Variants in YLPM1 observed in about 807,000 individuals in gnomAD.
YLPM1 encodes the protein YLP motif-containing protein 1.
A neutral mutation model predicts 230.0 loss-of-function variants in YLPM1; 99 were observed. The observed-to-expected ratio is 0.43, with a 90% CI of 0.37 to 0.51. The LOEUF (loss-of-function observed/expected upper bound fraction) is 0.51. YLPM1 is among the 20% of genes least tolerant of loss of function. The pLI is 0.00. For missense variants in YLPM1, 2,592 were observed against 2,707.7 expected (o/e 0.96, Z 0.95); for synonymous variants, 984 against 942.5 (o/e 1.04, Z -0.81).
At position 74,832,168 on chromosome 14, in the gene YLPM1, G is replaced by A. The variant is rs142108582; in HGVS notation, c.6294+2825G>A. 2.8e-3 allele frequency among the ~76,000 whole-genome samples: 427 copies of A among 152,252 alleles called. 11 individuals carry two copies. The highest frequency in any genetic ancestry group is 3.4e-3 in the Middle Eastern group (1 of 294). Reference sequence around the variant, plus strand: ...AGGAAAAAACAACAGCAAAAATGTCGTAAGTCTCAAAAGTACCTCTAGGAA... The same window carrying A: ...AGGAAAAAACAACAGCAAAAATGTCATAAGTCTCAAAAGTACCTCTAGGAA... On this transcript the variant is annotated intron_variant, in intron 19 of 20. Coordinates refer to ENST00000325680, the MANE Select transcript of YLPM1 (RefSeq NM_019589.3).
Position 74,835,105 on chromosome 14 carries a change from A to G in YLPM1, c.6295-160A>G, listed in dbSNP as rs750543946. On this transcript the variant is annotated intron_variant, in intron 19 of 20. Transcript: ENST00000325680. ...CCAGAGAGTTTTCTCTTTGTGACTT[A>G]AAATATATGGCTTTTCCCAGTTTTC... 717 of 897,844 alleles carry G rather than the reference A, an allele frequency of 8.0e-4. 3 individuals carry two copies. The highest frequency in any genetic ancestry group is 5.6e-4 in the Admixed American group (18 of 32,092). The allele number at this position is 897,844 out of a possible 1,614,324, so 55.6% of individuals were successfully genotyped here. A position where few individuals can be genotyped will look rare whatever the true frequency, so the allele number is the denominator to read the frequency against.
Position 74,763,373 on chromosome 14 carries a change from C to A in YLPM1, c.-117C>A, listed in dbSNP as rs916446860. 2.4e-6 allele frequency: 3 copies of A among 1,258,404 alleles called. No homozygotes were observed. Among genetic ancestry groups the A allele is most frequent in the East Asian group, 3.0e-5 (1 of 33,292 alleles). The allele number at this position is 1,258,404 out of a possible 1,614,324, so 78.0% of individuals were successfully genotyped here. On this transcript the variant is annotated 5_prime_UTR_variant, in exon 1 of 21. Coordinates refer to ENST00000325680, the MANE Select transcript of YLPM1 (RefSeq NM_019589.3). The stretch of plus-strand genomic sequence containing the variant: ...GGCGCACTGGCGCGCTCCGTTTACA[C>A]GCTCCGGGGCCTGTAGGCGCCGCGA...
chr14:74,789,264 C>T (rs969773787), intron 4 of YLPM1, among the ~76,000 whole-genome samples: 2 of 152,192 alleles, frequency 1.3e-5, no homozygotes, highest in African/African-American at 4.8e-5. Context: ...CTCAGTCTGT[C>T]ACCCAGGCTG....
At chr14:74,807,403 T>C (rs2091390673) in intron 6 of YLPM1, among the ~76,000 whole-genome samples, 1 of 152,136 alleles carries the variant, frequency 6.6e-6, no homozygotes, top group South Asian at 2.1e-4. Context: ...AAATAGAGAC[T>C]AGGCATGGTG....
At chr14:74,778,778 G>T in intron 2 of YLPM1, 95 bp downstream of exon 2, 1 of 1,061,532 alleles carries the variant, frequency 9.4e-7, no homozygotes, top group Admixed American at 2.9e-5. Context: ...ATATATTTTT[G>T]TTTTTTTAGG....
At position 74,798,305 on chromosome 14, in the gene YLPM1, C is replaced by T. The variant is rs1383560937; in HGVS notation, c.3008C>T (p.Pro1003Leu). ...ENNQDKGLPR[P>L]DNRDNRLEGN... ...AACCAAGATAAAGGCCTGCCTCGGCCAGATAATAGAGATAATAGATTAGAA... is the reference window on the plus strand; with the variant it reads ...AACCAAGATAAAGGCCTGCCTCGGCTAGATAATAGAGATAATAGATTAGAA... The change falls in exon 5 of 21, where the codon CCA becomes CTA. Residue 1003 changes from proline to leucine, a missense_variant. Coordinates refer to ENST00000325680, the MANE Select transcript of YLPM1 (RefSeq NM_019589.3). 7 of 1,613,734 alleles carry T rather than the reference C, an allele frequency of 4.3e-6. No individual in the cohort carries two copies. The Admixed American group carries it at 1.2e-4, about 27-fold the overall frequency.
At chr14:74,769,851 ACCCCCCCCCCCGCC>A (rs1038820566) in intron 1 of YLPM1, among the ~76,000 whole-genome samples, 1 of 76,734 alleles carries the variant, frequency 1.3e-5, no homozygotes. Flanking sequence ...AAAGTGAGAC[ACCCCCCCCCCCGCC>A]CCCCGCCCAC....
At chr14:74,769,911 A>G (rs995482406) in intron 1 of YLPM1, among the ~76,000 whole-genome samples, 7 of 134,500 alleles carry the variant, frequency 5.2e-5, no homozygotes, top group African/African-American at 1.9e-4. Flanking sequence ...GGCCGGGCGC[A>G]GTGGCTCACG....
chr14:74,835,020 AAGAG>A (rs1251865358), intron 19 of YLPM1: 6 of 394,260 alleles, frequency 1.5e-5, no homozygotes, highest in Non-Finnish European at 2.7e-5. Flanking sequence ...GCAGAGGAGA[AAGAG>A]AGGACAGGAT....
chr14:74,795,672 A>G (rs1019301934), intron 4 of YLPM1, among the ~76,000 whole-genome samples: 1 of 152,248 alleles, frequency 6.6e-6, no homozygotes, highest in Admixed American at 6.5e-5. Flanking sequence ...AATTGTAAAG[A>G]TGATCTTTAA....
intron 16 of YLPM1, among the ~76,000 whole-genome samples, chr14:74,820,485 C>T (rs1315743171): frequency 1.1e-4 from 16 of 152,178 alleles, no homozygotes; most frequent in African/African-American, 3.6e-4. Flanking sequence ...TAGACTCAAG[C>T]GATCCTCCTG....
In YLPM1 at chr14:74,770,064, C is replaced by T. The variant is rs184061826; in HGVS notation, c.873+5702C>T. Among the ~76,000 whole-genome samples, 575 of 151,804 alleles carry T rather than the reference C, an allele frequency of 3.8e-3. 5 individuals carry two copies. The highest frequency in any genetic ancestry group is 0.012 in the African/African-American group (491 of 41,450). ...GGGCGTGGTGGTGGGCGCCTGTAGT[C>T]CCAACTTCTCAGGAAGCTGAGGCAG... On this transcript the variant is annotated intron_variant, in intron 1 of 20. Coordinates refer to ENST00000325680, the MANE Select transcript of YLPM1 (RefSeq NM_019589.3).
chr14:74,801,995 T>C (rs1036116186), intron 5 of YLPM1, among the ~76,000 whole-genome samples: 5 of 151,954 alleles, frequency 3.3e-5, no homozygotes, highest in African/African-American at 1.2e-4. Flanking sequence ...GGCAGGCGGA[T>C]CATGAGGTCA....
chr14:74,818,195 T>C (rs779176000), intron 15 of YLPM1, 36 bp from the exon 16 acceptor site: 1 of 1,519,314 alleles, frequency 6.6e-7, no homozygotes, highest in South Asian at 1.2e-5. Context: ...TTGAGTAGTT[T>C]CTAGAGATAA....
rs1232758126 is a variant in YLPM1, at chr14:74,797,776, T to A, written c.2479T>A (p.Ser827Thr). 6.2e-7 allele frequency: 1 copy of A among 1,613,666 alleles called. No homozygotes were observed. Among genetic ancestry groups the A allele is most frequent in the Non-Finnish European group, 8.5e-7 (1 of 1,179,866 alleles). Residue 827 changes from serine to threonine, a missense_variant, in exon 5 of 21, where the codon TCC becomes ACC. Transcript: ENST00000325680. ...ASQFYITPST[S>T]LSPRQSGPQW... ...TCAATTTTATATTACCCCCAGTACA[T>A]CCCTAAGTCCTCGACAGAGTGGACC...
chr14:74,811,079 G>A (rs2091429576), intron 9 of YLPM1, among the ~76,000 whole-genome samples: 2 of 151,846 alleles, frequency 1.3e-5, no homozygotes, highest in African/African-American at 4.8e-5. Context: ...CACCTGCCTC[G>A]GCCTTCCGAA....
intron 4 of YLPM1, among the ~76,000 whole-genome samples, chr14:74,786,833 G>A (rs967642982): frequency 2.0e-5 from 3 of 152,166 alleles, no homozygotes; most frequent in Non-Finnish European, 4.4e-5. Flanking sequence ...GGAATTGCCT[G>A]ATTATAGAGT....
At position 74,763,469 on chromosome 14, in the gene YLPM1, C is replaced by T. The variant is rs1209187436; in HGVS notation, c.-21C>T. 2.8e-6 allele frequency: 4 copies of T among 1,437,888 alleles called. No individual in the cohort carries two copies. Among genetic ancestry groups the T allele is most frequent in the Admixed American group, 2.6e-5 (1 of 38,332 alleles). 89.1% of individuals were successfully genotyped at this position (1,437,888 alleles called of 1,614,324 possible). On this transcript the variant is annotated 5_prime_UTR_variant, in exon 1 of 21. Transcript: ENST00000325680. ...CGACGAGTAACGGCGCCAGGACGAG[C>T]CCTGCGCCTTCTTTTTCGATATGTA... is the stretch of plus-strand genomic sequence containing the variant.
chr14:74,774,168 C>T (rs1160798575), intron 1 of YLPM1, among the ~76,000 whole-genome samples: 1 of 152,190 alleles, frequency 6.6e-6, no homozygotes. Context: ...CATAGTTTAG[C>T]CTAGCTATTA....
Sources: gnomAD v4.1 joint callset for allele counts (sites outside exome capture counted in the v4.1 genomes callset) on GRCh38, gnomAD v4.1.1 for gene constraint, MANE v1.5 for transcripts, NCBI Gene and HGNC (gene_info 2026-07-23, HGNC 2026-07-21) for gene names.